Variants in TRIM2 observed in about 807,000 individuals in gnomAD.
The protein encoded by TRIM2 is tripartite motif-containing protein 2.
TRIM2 carries 20 observed loss-of-function variants against 75.2 expected under a neutral mutation model. The ratio of observed to expected loss-of-function variants is 0.27; its 90% CI spans 0.19 to 0.39. TRIM2 has a LOEUF of 0.39. TRIM2 is among the 10% of genes least tolerant of loss of function. The pLI, the probability that TRIM2 is intolerant of heterozygous loss-of-function variation, is 1.00. For synonymous variants in TRIM2, 373 were observed against 388.3 expected, an observed-to-expected ratio of 0.96 and a Z score of 0.46; for missense variants, 660 against 990.8, an observed-to-expected ratio of 0.67 and a Z score of 4.48.
At chr4:153,288,086 G>T (rs1192869780) in intron 3 of TRIM2, among the ~76,000 whole-genome samples, 1 of 151,860 alleles carries the variant, frequency 6.6e-6, no homozygotes, top group East Asian at 1.9e-4. Context: ...TCAGCAGTTT[G>T]AATATATTAC....
At chr4:153,283,125 T>C (rs1044132762) in intron 3 of TRIM2, among the ~76,000 whole-genome samples, 1 of 152,154 alleles carries the variant, frequency 6.6e-6, no homozygotes. Flanking sequence ...TTTAGTATAG[T>C]CACAAAGTTG....
intron 1 of TRIM2, among the ~76,000 whole-genome samples, chr4:153,227,758 T>G (rs981922510): frequency 2.6e-5 from 4 of 152,188 alleles, no homozygotes; most frequent in Non-Finnish European, 5.9e-5. Context: ...ACTAGAGTCA[T>G]GGTGGGGGAA....
chr4:153,199,473 T>C (rs1734102251), upstream of TRIM2, among the ~76,000 whole-genome samples: 1 of 152,240 alleles, frequency 6.6e-6, no homozygotes, highest in African/African-American at 2.4e-5. Context: ...ATTAGTACTA[T>C]AACGAATCTG....
chr4:153,303,170 G>T (rs534307205), intron 6 of TRIM2, among the ~76,000 whole-genome samples: 33 of 152,284 alleles, frequency 2.2e-4, no homozygotes, highest in African/African-American at 7.5e-4. Flanking sequence ...ATCATTAAAA[G>T]ATTCAACTTT....
chr4:153,182,809 C>T (rs1488303075), intron 1 of TRIM2, among the ~76,000 whole-genome samples: 1 of 152,154 alleles, frequency 6.6e-6, no homozygotes, highest in Non-Finnish European at 1.5e-5. Context: ...AAAAGTGCTT[C>T]CCTACCTGGG....
chr4:153,236,646 G>C (rs748239890), intron 1 of TRIM2, among the ~76,000 whole-genome samples: 1 of 142,612 alleles, frequency 7.0e-6, no homozygotes, highest in Non-Finnish European at 1.5e-5. Flanking sequence ...GTTTGAGTCT[G>C]AGGATTGTGT....
At chr4:153,190,431 C>T (rs1733064228) in intron 1 of TRIM2, among the ~76,000 whole-genome samples, 1 of 152,214 alleles carries the variant, frequency 6.6e-6, no homozygotes, top group Non-Finnish European at 1.5e-5. Flanking sequence ...TGATTTATCT[C>T]TGTATTCTTC....
chr4:153,236,160 A>G (rs1009349014), intron 1 of TRIM2, among the ~76,000 whole-genome samples: 1 of 152,034 alleles, frequency 6.6e-6, no homozygotes, highest in Non-Finnish European at 1.5e-5. Flanking sequence ...AAGTTTACTG[A>G]GGCCTTCCCA....
intron 1 of TRIM2, among the ~76,000 whole-genome samples, chr4:153,239,189 A>G (rs893009230): frequency 1.3e-5 from 2 of 152,082 alleles, no homozygotes; most frequent in African/African-American, 4.8e-5. Context: ...CATCTCTACT[A>G]AAAATACAAA....
At chr4:153,189,587 C>A (rs1283893408) in intron 1 of TRIM2, among the ~76,000 whole-genome samples, 2 of 152,130 alleles carry the variant, frequency 1.3e-5, no homozygotes, top group Non-Finnish European at 2.9e-5. Flanking sequence ...ACTATTCCAC[C>A]CTACACGCCA....
chr4:153,222,195 A>G (rs1740767343), intron 1 of TRIM2: 1 of 151,936 alleles, frequency 6.6e-6, no homozygotes, highest in Non-Finnish European at 1.5e-5. Flanking sequence ...ATTTGTTAAC[A>G]TTCACTTGAA....
intron 11 of TRIM2, among the ~76,000 whole-genome samples, chr4:153,332,786 T>C (rs1771776422): frequency 6.6e-6 from 1 of 152,210 alleles, no homozygotes; most frequent in Non-Finnish European, 1.5e-5. Context: ...TGCACACTTA[T>C]AAGGATAGCT....
At chr4:153,227,974 A>G (rs547698456) in intron 1 of TRIM2, among the ~76,000 whole-genome samples, 1 of 152,312 alleles carries the variant, frequency 6.6e-6, no homozygotes, top group African/African-American at 2.4e-5. Context: ...AATGCACTGG[A>G]TTCTGCTTAT....
rs2119165 is a variant in TRIM2, at chr4:153,323,040, C to T, written c.1951+224C>T. 0.63 allele frequency among the ~76,000 whole-genome samples: 95,747 copies of T among 151,864 alleles called. 31,243 individuals carry two copies. Among genetic ancestry groups the T allele is most frequent in the African/African-American group, 0.81 (33,518 of 41,460 alleles). ...GCTGCAGTCCTTGTGTGGTTTTTATCGGTGGCAGTTCACAACTCAGAAGTC... is the reference window on the plus strand; with the variant it reads ...GCTGCAGTCCTTGTGTGGTTTTTATTGGTGGCAGTTCACAACTCAGAAGTC... On this transcript the variant is annotated intron_variant, in intron 9 of 11. Coordinates refer to ENST00000338700, the MANE Select transcript of TRIM2 (RefSeq NM_015271.5).
chr4:153,191,778 G>A (rs1733213086), intron 1 of TRIM2, among the ~76,000 whole-genome samples: 2 of 152,274 alleles, frequency 1.3e-5, no homozygotes, highest in Middle Eastern at 3.4e-3. Flanking sequence ...TCAGAGACTG[G>A]GAGTCACACA....
At chr4:153,307,906 C>T in intron 6 of TRIM2, 1 of 751,334 alleles carries the variant, frequency 1.3e-6, no homozygotes, top group Non-Finnish European at 2.5e-6. Context: ...CTGATCAGGA[C>T]CTTATCTTGA....
chr4:153,221,910 G>GA (rs1740354979), intron 1 of TRIM2, among the ~76,000 whole-genome samples: 18 of 47,310 alleles, frequency 3.8e-4, no homozygotes, highest in African/African-American at 1.0e-3. Context: ...AGGAAGGAAG[G>GA]GAGGGAGGGA....
At chr4:153,286,958 T>G (rs1228046572) in intron 3 of TRIM2, among the ~76,000 whole-genome samples, 1 of 152,104 alleles carries the variant, frequency 6.6e-6, no homozygotes, top group Non-Finnish European at 1.5e-5. Context: ...TTCTTTCACT[T>G]TCTTTTTTTT....
intron 6 of TRIM2, chr4:153,308,322 T>C (rs1765485545): frequency 2.9e-6 from 4 of 1,375,670 alleles, no homozygotes; most frequent in Non-Finnish European, 3.1e-6. Flanking sequence ...GTACATTTCC[T>C]TGTAGACTCT....
Sources: allele counts gnomAD v4.1 joint callset (sites outside exome capture counted in the v4.1 genomes callset), GRCh38; gene constraint gnomAD v4.1.1; transcripts MANE v1.5; gene names NCBI Gene and HGNC (gene_info 2026-07-23, HGNC 2026-07-21).